ATF3: variants seen among roughly 807,000 people sequenced by gnomAD.
The protein encoded by ATF3 is activating transcription factor 3.
A neutral mutation model predicts 18.4 loss-of-function variants in ATF3; 10 were observed. The ratio of observed to expected loss-of-function variants is 0.54; its 90% CI spans 0.34 to 0.92. The LOEUF is 0.92. Ranked by LOEUF, ATF3 falls within the 40% of genes least tolerant of loss-of-function variation. The pLI, the probability that ATF3 is intolerant of heterozygous loss-of-function variation, is 0.02. For synonymous variants in ATF3, 78 were observed against 87.9 expected (o/e 0.89, Z 0.63); for missense variants, 183 against 222.3 (o/e 0.82, Z 1.12).
intron 1 of ATF3, among the ~76,000 whole-genome samples, chr1:212,582,723 A>T (rs1280085887): frequency 6.6e-6 from 1 of 152,062 alleles, no homozygotes; most frequent in Non-Finnish European, 1.5e-5. Flanking sequence ...TAAACCAGAG[A>T]CTGAGTGATT....
intron 1 of ATF3, among the ~76,000 whole-genome samples, chr1:212,600,849 T>C (rs1654463765): frequency 6.6e-6 from 1 of 152,182 alleles, no homozygotes; most frequent in Non-Finnish European, 1.5e-5. Context: ...TGGTGCTCGT[T>C]AAAATGTTGG....
intron 1 of ATF3, among the ~76,000 whole-genome samples, chr1:212,583,988 C>A (rs1287994202): frequency 1.3e-5 from 2 of 152,094 alleles, no homozygotes; most frequent in African/African-American, 4.8e-5. Flanking sequence ...GTATCTCTGC[C>A]CTCATGGTAG....
intron 1 of ATF3, among the ~76,000 whole-genome samples, chr1:212,598,815 G>C (rs1313295255): frequency 6.6e-6 from 1 of 152,142 alleles, no homozygotes; most frequent in Non-Finnish European, 1.5e-5. Context: ...TAACTGAATA[G>C]TACTCCACTG....
In ATF3 at chr1:212,618,274, C is replaced by G. The variant is rs756864854; in HGVS notation, c.348+40C>G. The G allele has an allele frequency of 5.1e-6, 8 of 1,583,346 alleles. No homozygotes were observed. In the Admixed American group the frequency reaches 1.3e-4, roughly 26 times the overall value. ...GCCTTACCCTTCCTCTCGCTCACGC[C>G]TGTCTTCACCAGCTTCATGTGGCTA... On this transcript the variant is annotated intron_variant, in intron 3 of 3. Transcript: ENST00000341491. This position sits in a 1 kb window ranked among gnomAD's most constrained non-coding sequence, Gnocchi z 4.4.
chr1:212,591,041 T>C (rs1427064426), intron 1 of ATF3, among the ~76,000 whole-genome samples: 1 of 152,240 alleles, frequency 6.6e-6, no homozygotes, highest in Non-Finnish European at 1.5e-5. Context: ...GTCCACCATC[T>C]GATCCCAACT....
rs148364357 is a variant in ATF3 at position 212,615,093 on chromosome 1, C to A, written c.72C>A (p.Ser24=). 6.2e-7 allele frequency: 1 copy of A among 1,614,158 alleles called. No individual in the cohort carries two copies. The highest frequency in any genetic ancestry group is 1.1e-5 in the South Asian group (1 of 91,084). The change falls in exon 2 of 4, where the codon TCC becomes TCA. Residue 24 remains serine (S), a synonymous_variant. Coordinates refer to ENST00000341491, the MANE Select transcript of ATF3 (RefSeq NM_001674.4). ...CTTCTGCCATCGTCCCCTGCCTGTC[C>A]CCTCCTGGGTCACTGGTGTTTGAGG... ...VSASAIVPCL[S]PPGSLVFEDF... is the part of the protein sequence containing the mutation.
intron 1 of ATF3, among the ~76,000 whole-genome samples, chr1:212,581,300 C>T (rs1202275616): frequency 6.6e-6 from 1 of 152,192 alleles, no homozygotes; most frequent in African/African-American, 2.4e-5. Context: ...CGTATGCTCT[C>T]AGTGTACCTG....
intron 1 of ATF3, 27 bp from the exon 2 acceptor site, chr1:212,614,989 AAC>A (rs1655047293): frequency 1.2e-6 from 2 of 1,613,996 alleles, no homozygotes; most frequent in South Asian, 2.2e-5. Flanking sequence ...GAGCCCCTGA[AAC>A]AGTTTGGGTT....
intron 1 of ATF3, among the ~76,000 whole-genome samples, chr1:212,576,467 AT>A (rs1664577572): frequency 6.6e-6 from 1 of 151,276 alleles, no homozygotes; most frequent in Non-Finnish European, 1.5e-5. Context: ...TCTAGTTTAG[AT>A]TTCTCTATTG....
chr1:212,614,998 G>T lies in ATF3; in HGVS notation c.-4-20G>T, dbSNP rs1655047519. ...GCCCCAGAGCCCCTGAAACAGTTTGGGTTTCAATGTGTCTTTCAGCAAAAT... is the reference window on the plus strand; with the variant it reads ...GCCCCAGAGCCCCTGAAACAGTTTGTGTTTCAATGTGTCTTTCAGCAAAAT... On this transcript the variant is annotated intron_variant, in intron 1 of 3. Coordinates refer to ENST00000341491, the MANE Select transcript of ATF3 (RefSeq NM_001674.4). 1 of 1,614,158 alleles carries T rather than the reference G, an allele frequency of 6.2e-7. No homozygotes were observed. Among genetic ancestry groups the T allele is most frequent in the Non-Finnish European group, 8.5e-7 (1 of 1,180,034 alleles).
At chr1:212,590,828 G>GGGAA (rs1260850496) in intron 1 of ATF3, among the ~76,000 whole-genome samples, 1 of 152,186 alleles carries the variant, frequency 6.6e-6, no homozygotes, top group East Asian at 1.9e-4. Context: ...GGCAGCATTA[G>GGGAA]GGAAGCAGGA....
chr1:212,590,989 G>A (rs563252164), intron 1 of ATF3, among the ~76,000 whole-genome samples: 48 of 152,316 alleles, frequency 3.2e-4, no homozygotes, highest in African/African-American at 1.1e-3. Context: ...TAGCCTCTCA[G>A]TTTGTTGAAA....
chr1:212,588,884 C>A (rs1455077058), intron 1 of ATF3, among the ~76,000 whole-genome samples: 1 of 152,184 alleles, frequency 6.6e-6, no homozygotes, highest in African/African-American at 2.4e-5. Context: ...AAAATGATGC[C>A]ATATTTTAGT....
At chr1:212,578,954 C>T (rs1158564269) in intron 1 of ATF3, among the ~76,000 whole-genome samples, 2 of 151,878 alleles carry the variant, frequency 1.3e-5, no homozygotes, top group African/African-American at 2.4e-5. Flanking sequence ...TCCTTCCACA[C>T]CCCTAGACAA....
At chr1:212,576,716 C>CTTTTTTTTTTTTTTTTTTTTTTTTT (rs761124416) in intron 1 of ATF3, among the ~76,000 whole-genome samples, 1 of 78,248 alleles carries the variant, frequency 1.3e-5, no homozygotes, top group African/African-American at 5.1e-5. Flanking sequence ...CTTTTCTTTT[C>CTTTTTTTTTTTTTTTTTTTTTTTTT]TTTTCTTTTT....
chr1:212,589,291 A>G (rs913508539), intron 1 of ATF3, among the ~76,000 whole-genome samples: 5 of 152,220 alleles, frequency 3.3e-5, no homozygotes, highest in African/African-American at 1.2e-4. Context: ...CTCATTGTAA[A>G]TGTTTTCATT....
intron 1 of ATF3, among the ~76,000 whole-genome samples, chr1:212,582,742 G>A (rs143986634): frequency 6.6e-6 from 1 of 152,300 alleles, no homozygotes; most frequent in East Asian, 1.9e-4. Flanking sequence ...TTTCAGGCAA[G>A]TATTCCGGCC....
rs569017884 is a variant in ATF3, at chr1:212,619,951, A to G, written c.*396A>G. The G allele has an allele frequency of 3.6e-6, 1 of 278,548 alleles. No individual in the cohort carries two copies. Among genetic ancestry groups the G allele is most frequent in the African/African-American group, 2.2e-5 (1 of 45,780 alleles). The allele number at this position is 278,548 out of a possible 1,614,324, so 17.3% of individuals were successfully genotyped here. Reference sequence around the variant, plus strand: ...GGCCATCTCCTTCACCGTGGCTACCATTGTCACTCGTAGGGGATGTGGAGT... The same window carrying G: ...GGCCATCTCCTTCACCGTGGCTACCGTTGTCACTCGTAGGGGATGTGGAGT... On this transcript the variant is annotated 3_prime_UTR_variant, in exon 4 of 4. Coordinates refer to ENST00000341491, the MANE Select transcript of ATF3 (RefSeq NM_001674.4). This position sits in a 1 kb window ranked among gnomAD's most constrained non-coding sequence, Gnocchi z 4.4.
At chr1:212,603,270 T>G (rs555891672) in intron 1 of ATF3, among the ~76,000 whole-genome samples, 2 of 152,346 alleles carry the variant, frequency 1.3e-5, no homozygotes, top group African/African-American at 4.8e-5. Flanking sequence ...TCTGTATTAC[T>G]AGCCCATGCT....
Sources: gnomAD v4.1 joint callset for allele counts (sites outside exome capture counted in the v4.1 genomes callset) on GRCh38, gnomAD v4.1.1 for gene constraint, Gnocchi (gnomAD v3.1) non-coding constraint, MANE v1.5 for transcripts, NCBI Gene and HGNC (gene_info 2026-07-23, HGNC 2026-07-21) for gene names.